The following DPEP1 variants were observed in gnomAD, a reference collection of about 807,000 sequenced individuals.
DPEP1 encodes beta-lactamase.
A neutral mutation model predicts 42.3 loss-of-function variants in DPEP1; 50 were observed. The observed-to-expected ratio is 1.18, with a 90% confidence interval of 0.94 to 1.50. The LOEUF is 1.50. Ranked by LOEUF, DPEP1 falls within the 40% of genes most tolerant of loss-of-function variation. The pLI is 0.00. For missense variants in DPEP1, 663 were observed against 553.0 expected (o/e 1.20, Z -1.99); for synonymous variants, 297 against 234.0 (o/e 1.27, Z -2.46).
At chr16:89,641,225 G>GT (rs1055139281), downstream of DPEP1, among the ~76,000 whole-genome samples, 9 of 152,310 alleles carry the variant, frequency 5.9e-5, no homozygotes, top group Middle Eastern at 0.01. Context: ...GGCTGCGGGG[G>GT]GGGGTTGACT....
At chr16:89,631,541 C>T (rs948518352) in intron 2 of DPEP1, among the ~76,000 whole-genome samples, 1 of 152,162 alleles carries the variant, frequency 6.6e-6, no homozygotes, top group Non-Finnish European at 1.5e-5. Context: ...CAGGGAAACC[C>T]GATGTCTTGT....
chr16:89,636,529 G>T lies in DPEP1; in HGVS notation c.371-4G>T. On this transcript the variant is annotated splice_polypyrimidine_tract_variant and splice_region_variant and intron_variant, in intron 4 of 10. Coordinates refer to ENST00000690203, the MANE Select transcript of DPEP1 (RefSeq NM_001389466.1). ...ACTCCCCTGCACCCTGACTCTCCCC[G>T]CAGGCATTCGGCAGGCCTTCCGGGA... is the stretch of plus-strand genomic sequence containing the variant. 1.2e-6 allele frequency: 2 copies of T among 1,611,770 alleles called. No individual in the cohort carries two copies. Among genetic ancestry groups the T allele is most frequent in the South Asian group, 1.1e-5 (1 of 91,012 alleles).
At chr16:89,621,290 C>A (rs2059443935) in intron 1 of DPEP1, among the ~76,000 whole-genome samples, 2 of 135,956 alleles carry the variant, frequency 1.5e-5, no homozygotes, top group Non-Finnish European at 3.2e-5. Context: ...GTGGTGGGGG[C>A]AACCGTGGGG....
At chr16:89,630,157 C>A in intron 1 of DPEP1, 148 bp from the exon 2 acceptor site, 1 of 337,278 alleles carries the variant, frequency 3.0e-6, no homozygotes, top group Non-Finnish European at 5.5e-6. Flanking sequence ...GCCCAGACAG[C>A]AACGCCCAGT....
At position 89,630,463 on chromosome 16, in the gene DPEP1, T is replaced by G; in HGVS notation, c.53T>G (p.Phe18Cys). 6.2e-7 allele frequency: 1 copy of G among 1,610,598 alleles called. No homozygotes were observed. The highest frequency in any genetic ancestry group is 8.5e-7 in the Non-Finnish European group (1 of 1,178,810). Reference sequence around the variant, plus strand: ...CTTGTGGCCGTCTGCACTGCAGACTTCTTTCGGGACGAGGCAGAGAGGATC... The same window carrying G: ...CTTGTGGCCGTCTGCACTGCAGACTGCTTTCGGGACGAGGCAGAGAGGATC... ...WPLVAVCTADFFRDEAERIMR... is the reference protein window; with the variant it reads ...WPLVAVCTADCFRDEAERIMR... Residue 18 changes from phenylalanine (F) to cysteine (C), a missense_variant, in exon 2 of 11, where the codon TTC becomes TGC. Phe to Cys is a radical substitution (Grantham distance 205, BLOSUM62 -2). Coordinates refer to ENST00000690203, the MANE Select transcript of DPEP1 (RefSeq NM_001389466.1).
chr16:89,629,777 C>T (rs113571179), intron 1 of DPEP1, among the ~76,000 whole-genome samples: 5 of 152,296 alleles, frequency 3.3e-5, no homozygotes, highest in African/African-American at 9.6e-5. Flanking sequence ...GTGTGGGTCC[C>T]TGTGACGCTG....
chr16:89,632,712 C>T (rs1200794274), intron 2 of DPEP1, among the ~76,000 whole-genome samples: 2 of 152,172 alleles, frequency 1.3e-5, no homozygotes, highest in Non-Finnish European at 2.9e-5. Flanking sequence ...CAGGGCCTCC[C>T]TCCCACTGAG....
chr16:89,625,162 CT>C (rs1017934465), intron 1 of DPEP1, among the ~76,000 whole-genome samples: 9 of 152,146 alleles, frequency 5.9e-5, no homozygotes, highest in African/African-American at 1.9e-4. Flanking sequence ...CTCTCTCCCC[CT>C]GACCTTGGTG....
chr16:89,623,114 C>T (rs2059466259), intron 1 of DPEP1, among the ~76,000 whole-genome samples: 1 of 151,982 alleles, frequency 6.6e-6, no homozygotes, highest in African/African-American at 2.4e-5. Flanking sequence ...GAGGCCCTTC[C>T]CTAAACATGT....
intron 1 of DPEP1, among the ~76,000 whole-genome samples, chr16:89,626,702 TC>T: frequency 6.6e-6 from 1 of 151,140 alleles, no homozygotes; most frequent in Middle Eastern, 3.4e-3. Context: ...TCAAACTCTC[TC>T]CCCCGCTGCC....
chr16:89,636,184 G>A, intron 3 of DPEP1, 80 bp from the exon 4 acceptor site: 1 of 1,556,984 alleles, frequency 6.4e-7, no homozygotes, highest in Non-Finnish European at 8.7e-7. Context: ...CAGCGGGTGG[G>A]AAACCAGACT....
In DPEP1 at chr16:89,614,719, C is replaced by T. The variant is rs146960106; in HGVS notation, c.-107+1000C>T. 5.7e-3 allele frequency among the ~76,000 whole-genome samples: 864 copies of T among 152,266 alleles called. 10 individuals carry two copies. Among genetic ancestry groups the T allele is most frequent in the African/African-American group, 0.019 (806 of 41,548 alleles). ...CTGAAGCAGGAGAATGGCGTGAACC[C>T]GGGAGGCGGAGGTTGCGGTGAGCTG... is the stretch of plus-strand genomic sequence containing the variant. On this transcript the variant is annotated intron_variant, in intron 1 of 10. Transcript: ENST00000690203.
chr16:89,633,405 G>C (rs2059614707), intron 2 of DPEP1, among the ~76,000 whole-genome samples: 1 of 152,266 alleles, frequency 6.6e-6, no homozygotes, highest in Non-Finnish European at 1.5e-5. Context: ...GGCTGGGCTT[G>C]GGGGCACTAG....
intron 1 of DPEP1, among the ~76,000 whole-genome samples, chr16:89,628,817 G>A (rs750556693): frequency 2.6e-5 from 4 of 151,674 alleles, no homozygotes; most frequent in Non-Finnish European, 4.4e-5. Flanking sequence ...GAGGGGGGGC[G>A]GTTTGTGTTT....
chr16:89,637,117 A>G (rs2151502991), intron 6 of DPEP1, 87 bp from the exon 7 acceptor site: 2 of 1,545,212 alleles, frequency 1.3e-6, no homozygotes, highest in South Asian at 1.2e-5. Context: ...GCCACGAAGG[A>G]TGATGACTCA....
rs535435151 is a variant in DPEP1 at position 89,627,259 on chromosome 16, T to G, written c.-106-3046T>G. 2.8e-4 allele frequency among the ~76,000 whole-genome samples: 31 copies of G among 112,486 alleles called. No homozygotes were observed. In the South Asian group the frequency reaches 7.4e-3, roughly 27 times the overall value. 73.8% of individuals were successfully genotyped at this position (112,486 alleles called of 152,430 possible). On this transcript the variant is annotated intron_variant, in intron 1 of 10. Transcript: ENST00000690203. ...CTGCACTCCAGCCTGGGCAATAGAG[T>G]GAGACTCCGTCTCAAAAAAAAAAAA...
At chr16:89,636,999 G>C in intron 6 of DPEP1, 64 bp downstream of exon 6, 10 of 1,594,666 alleles carry the variant, frequency 6.3e-6, no homozygotes, top group Non-Finnish European at 8.5e-6. Context: ...AGGGTGACCA[G>C]AACAATGCAT....
At chr16:89,637,402 T>G (rs1597775477) in intron 7 of DPEP1, 22 bp downstream of exon 7, 1 of 1,612,340 alleles carries the variant, frequency 6.2e-7, no homozygotes, top group Non-Finnish European at 8.5e-7. Flanking sequence ...GGGGGCGACC[T>G]CCACCCCGCC....
chr16:89,629,462 A>G (rs2059556544), intron 1 of DPEP1, among the ~76,000 whole-genome samples: 1 of 152,064 alleles, frequency 6.6e-6, no homozygotes, highest in African/African-American at 2.4e-5. Context: ...AGAGGGAGCC[A>G]CTGTCCTCCA....
Sources: allele counts gnomAD v4.1 joint callset (sites outside exome capture counted in the v4.1 genomes callset), GRCh38; gene constraint gnomAD v4.1.1; transcripts MANE v1.5; gene names NCBI Gene and HGNC (gene_info 2026-07-23, HGNC 2026-07-21).